The following FAM135B variants were observed in gnomAD, a reference collection of about 807,000 sequenced individuals.
FAM135B encodes protein FAM135B.
In FAM135B, 43 loss-of-function variants were observed where a neutral mutation model predicts 127.7. The observed-to-expected ratio is 0.34, with a 90% CI of 0.26 to 0.43. FAM135B has a LOEUF of 0.43. FAM135B is among the 20% of genes least tolerant of loss of function. The probability of loss-of-function intolerance (pLI) is 1.00; values close to 1 mark genes in which losing one functional copy is unlikely to be tolerated. For synonymous variants in FAM135B, 670 were observed against 665.1 expected (o/e 1.01, Z -0.11); for missense variants, 1,558 against 1,725.6 (o/e 0.90, Z 1.72).
At chr8:138,315,222 A>C (rs1282850621) in intron 2 of FAM135B, among the ~76,000 whole-genome samples, 1 of 152,176 alleles carries the variant, frequency 6.6e-6, no homozygotes, top group Non-Finnish European at 1.5e-5. Flanking sequence ...AAAAGTACTC[A>C]ATGTTACTAA....
At chr8:138,364,879 G>A (rs114635559) in intron 2 of FAM135B, among the ~76,000 whole-genome samples, 2,069 of 151,900 alleles carry the variant, frequency 0.014, 38 homozygotes, top group African/African-American at 0.047. Flanking sequence ...ATGGAGTCTC[G>A]CTGTGTCACC....
At chr8:138,288,171 A>G (rs919665943) in intron 3 of FAM135B, among the ~76,000 whole-genome samples, 2 of 152,192 alleles carry the variant, frequency 1.3e-5, no homozygotes, top group Non-Finnish European at 2.9e-5. Flanking sequence ...AGGTTTGTTC[A>G]TTCATTCATG....
At chr8:138,443,799 C>T (rs930489370) in intron 1 of FAM135B, among the ~76,000 whole-genome samples, 1 of 152,090 alleles carries the variant, frequency 6.6e-6, no homozygotes, top group Non-Finnish European at 1.5e-5. Flanking sequence ...TCACACATAA[C>T]AATATTAACC....
chr8:138,169,450 A>T, intron 11 of FAM135B, among the ~76,000 whole-genome samples: 7 of 149,896 alleles, frequency 4.7e-5, no homozygotes, highest in African/African-American at 1.8e-4. Flanking sequence ...TGTTCTCTGA[A>T]TATTTAACTC....
intron 12 of FAM135B, among the ~76,000 whole-genome samples, chr8:138,164,131 G>C (rs910570244): frequency 4.6e-5 from 7 of 152,230 alleles, no homozygotes; most frequent in Non-Finnish European, 8.8e-5. Context: ...TGAGGGAAGA[G>C]AAAATAGTTC....
intron 3 of FAM135B, among the ~76,000 whole-genome samples, chr8:138,300,087 C>T (rs962773787): frequency 6.6e-6 from 1 of 151,926 alleles, no homozygotes; most frequent in Non-Finnish European, 1.5e-5. Flanking sequence ...TGTGCTTCAG[C>T]CTCCCGAGTA....
chr8:138,404,863 A>G (rs1169633503), intron 1 of FAM135B, among the ~76,000 whole-genome samples: 3 of 152,114 alleles, frequency 2.0e-5, no homozygotes. Context: ...AACCTCTTAA[A>G]GTCATCCATG....
rs558542851 is a variant in FAM135B, at chr8:138,412,122, G to A, written c.-19-44120C>T. Among the ~76,000 whole-genome samples the A allele has an allele frequency of 9.9e-5, 15 of 152,256 alleles. No individual in the cohort carries two copies. The East Asian group carries it at 1.5e-3, about 16-fold the overall frequency. ...AAACCAACTCTTAGATACTATGCCC[G>A]CTACCTGGGTGATGGGATCATTTGT... On this transcript the variant is annotated intron_variant, in intron 1 of 19. Coordinates refer to ENST00000395297, the MANE Select transcript of FAM135B (RefSeq NM_015912.4).
At chr8:138,293,831 G>A (rs1825290613) in intron 3 of FAM135B, among the ~76,000 whole-genome samples, 1 of 152,176 alleles carries the variant, frequency 6.6e-6, no homozygotes, top group Non-Finnish European at 1.5e-5. Flanking sequence ...ATGGAAAACA[G>A]TATGGAGATT....
At chr8:138,280,294 G>GGGC in intron 3 of FAM135B, among the ~76,000 whole-genome samples, 2 of 152,322 alleles carry the variant, frequency 1.3e-5, no homozygotes, top group East Asian at 3.9e-4. Flanking sequence ...GTTGGCTCTA[G>GGGC]TATCAGTGAA....
In FAM135B at chr8:138,242,699, C is replaced by T. The variant is rs1045099526; in HGVS notation, c.669+243G>A. Among the ~76,000 whole-genome samples, 3 of 152,106 alleles carry T rather than the reference C, an allele frequency of 2.0e-5. No homozygotes were observed. The highest frequency in any genetic ancestry group is 1.9e-4 in the East Asian group (1 of 5,182). ...AGAGAACCATATTCTTCCAAGAGACCACATATAACAAGTATCATATGAAGA... is the reference window on the plus strand; with the variant it reads ...AGAGAACCATATTCTTCCAAGAGACTACATATAACAAGTATCATATGAAGA... On this transcript the variant is annotated intron_variant, in intron 7 of 19. Coordinates refer to ENST00000395297, the MANE Select transcript of FAM135B (RefSeq NM_015912.4). The surrounding 1 kb of genome is among the most constrained non-coding windows in gnomAD (Gnocchi z 9.6).
Position 138,370,500 on chromosome 8 carries a change from G to A in FAM135B, c.-19-2498C>T, listed in dbSNP as rs190508566. Among the ~76,000 whole-genome samples, 680 of 152,178 alleles carry A rather than the reference G, an allele frequency of 4.5e-3. 9 individuals are homozygous for A. Among genetic ancestry groups the A allele is most frequent in the African/African-American group, 0.016 (650 of 41,522 alleles). On this transcript the variant is annotated intron_variant, in intron 1 of 19. Transcript: ENST00000395297. Reference sequence around the variant, plus strand: ...GGAGTCTCGCACTGTCACCCAGGCTGGAGTGCAGTGGCTCCATCTCGGCTC... The same window carrying A: ...GGAGTCTCGCACTGTCACCCAGGCTAGAGTGCAGTGGCTCCATCTCGGCTC...
At chr8:138,404,877 G>T (rs1375296267) in intron 1 of FAM135B, among the ~76,000 whole-genome samples, 2 of 152,036 alleles carry the variant, frequency 1.3e-5, no homozygotes, top group African/African-American at 4.8e-5. Flanking sequence ...ATCCATGAGG[G>T]TTGCTATTAA....
At chr8:138,413,002 C>T (rs1378767543) in intron 1 of FAM135B, among the ~76,000 whole-genome samples, 2 of 152,216 alleles carry the variant, frequency 1.3e-5, no homozygotes, top group Non-Finnish European at 2.9e-5. Flanking sequence ...CAGAGATGCT[C>T]AGTCAGTGAA....
At chr8:138,401,724 A>T (rs1471194658) in intron 1 of FAM135B, among the ~76,000 whole-genome samples, 1 of 152,196 alleles carries the variant, frequency 6.6e-6, no homozygotes, top group Non-Finnish European at 1.5e-5. Context: ...GATAACAACC[A>T]ATTGCATTTC....
At chr8:138,419,405 A>C (rs1322375974) in intron 1 of FAM135B, among the ~76,000 whole-genome samples, 1 of 152,154 alleles carries the variant, frequency 6.6e-6, no homozygotes, top group Admixed American at 6.6e-5. Context: ...ACACAATAAT[A>C]ATAGGAATCT....
chr8:138,147,749 T>C (rs1438044701), intron 14 of FAM135B, among the ~76,000 whole-genome samples: 1 of 151,998 alleles, frequency 6.6e-6, no homozygotes, highest in Non-Finnish European at 1.5e-5. Context: ...TCTATCTTTA[T>C]AACATTCCTC....
chr8:138,156,734 A>G (rs1182625433), intron 12 of FAM135B, among the ~76,000 whole-genome samples: 1 of 152,206 alleles, frequency 6.6e-6, no homozygotes, highest in African/African-American at 2.4e-5. Context: ...ACACCCTCCC[A>G]AGACTAAACC....
At chr8:138,312,680 C>T (rs1472921672) in intron 2 of FAM135B, among the ~76,000 whole-genome samples, 2 of 152,210 alleles carry the variant, frequency 1.3e-5, no homozygotes, top group Admixed American at 1.3e-4. Flanking sequence ...CCCACACCAG[C>T]AAAGGCAAAG....
Sources: allele counts gnomAD v4.1 joint callset (sites outside exome capture counted in the v4.1 genomes callset), GRCh38; gene constraint gnomAD v4.1.1; non-coding constraint Gnocchi (gnomAD v3.1); transcripts MANE v1.5; gene names NCBI Gene and HGNC (gene_info 2026-07-23, HGNC 2026-07-21).